The following FBXL17 variants were observed in gnomAD, a reference collection of about 807,000 sequenced individuals.
The protein encoded by FBXL17 is F-box/LRR-repeat protein 17.
Under a neutral mutation model 66.2 loss-of-function variants are expected in FBXL17, and 22 were observed. That is an observed-to-expected ratio of 0.33 (90% CI 0.24 to 0.47). The LOEUF (loss-of-function observed/expected upper bound fraction) is 0.47. FBXL17 is among the 20% of genes least tolerant of loss of function. FBXL17 has a pLI of 1.00. For synonymous variants in FBXL17, 474 were observed against 400.5 expected (o/e 1.18, Z -2.19); for missense variants, 878 against 948.2 (o/e 0.93, Z 0.97).
intron 4 of FBXL17, among the ~76,000 whole-genome samples, chr5:108,282,234 C>T (rs1055326774): frequency 6.6e-6 from 1 of 151,746 alleles, no homozygotes; most frequent in Admixed American, 6.6e-5. Flanking sequence ...AAACTACTGA[C>T]TAATATCTTT....
At chr5:108,102,167 T>C (rs778179720) in intron 6 of FBXL17, among the ~76,000 whole-genome samples, 3 of 152,164 alleles carry the variant, frequency 2.0e-5, no homozygotes, top group Non-Finnish European at 4.4e-5. Context: ...GAGAGATTCA[T>C]GGAGTCTGAA....
At chr5:108,323,158 C>A (rs1360488146) in intron 4 of FBXL17, among the ~76,000 whole-genome samples, 1 of 151,504 alleles carries the variant, frequency 6.6e-6, no homozygotes, top group South Asian at 2.1e-4. Context: ...AAGGAAGAGA[C>A]AAAATTATCT....
chr5:108,073,496 A>G (rs1051534473), intron 6 of FBXL17, among the ~76,000 whole-genome samples: 8 of 152,274 alleles, frequency 5.3e-5, no homozygotes, highest in East Asian at 1.9e-4. Context: ...AAAATATTAC[A>G]CATGAAGAAA....
intron 3 of FBXL17, among the ~76,000 whole-genome samples, chr5:108,354,747 A>G (rs1237806425): frequency 6.6e-6 from 1 of 151,792 alleles, no homozygotes; most frequent in East Asian, 1.9e-4. Flanking sequence ...AAGAAAAAAA[A>G]AAGTAAGAAA....
At chr5:107,949,912 T>A (rs943479311) in intron 7 of FBXL17, among the ~76,000 whole-genome samples, 1 of 152,156 alleles carries the variant, frequency 6.6e-6, no homozygotes, top group African/African-American at 2.4e-5. Context: ...TAGTTTACGT[T>A]CTACATGACT....
At chr5:108,084,038 T>C (rs1287155099) in intron 6 of FBXL17, among the ~76,000 whole-genome samples, 1 of 152,248 alleles carries the variant, frequency 6.6e-6, no homozygotes, top group Admixed American at 6.5e-5. Flanking sequence ...TCGTTTTTAC[T>C]TAGCAAAGAA....
intron 4 of FBXL17, among the ~76,000 whole-genome samples, chr5:108,339,674 T>C (rs17161251): frequency 0.017 from 2,546 of 152,074 alleles, 70 homozygotes; most frequent in African/African-American, 0.056. Flanking sequence ...AACCATAAAT[T>C]TTAAATCCAA....
chr5:108,290,658 C>T (rs905045668), intron 4 of FBXL17, among the ~76,000 whole-genome samples: 1 of 152,132 alleles, frequency 6.6e-6, no homozygotes, highest in Non-Finnish European at 1.5e-5. Context: ...AACAGAAATT[C>T]CTGTTTTCCC....
intron 6 of FBXL17, among the ~76,000 whole-genome samples, chr5:108,043,858 A>C (rs1747143436): frequency 6.6e-6 from 1 of 152,090 alleles, no homozygotes; most frequent in Non-Finnish European, 1.5e-5. Flanking sequence ...ACATCTTTCC[A>C]TTTATTTAGC....
At chr5:108,121,668 TGCCTCA>T (rs1750506525) in intron 6 of FBXL17, among the ~76,000 whole-genome samples, 1 of 152,006 alleles carries the variant, frequency 6.6e-6, no homozygotes, top group Non-Finnish European at 1.5e-5. Context: ...GCCATTCTCC[TGCCTCA>T]GCCTCCTGAG....
Position 107,871,069 on chromosome 5 carries a change from A to AAAAAAAAAAAC in FBXL17, c.1966-9220_1966-9210dup, listed in dbSNP as rs1554080846. On this transcript the variant is annotated intron_variant, in intron 8 of 8. Transcript: ENST00000542267. ...TACTCTTGGGCGGCAAAAAAAAAAA[A>AAAAAAAAAAAC]AAAAAAAAAACCTCATCTAAAAATC... 1.2e-3 allele frequency among the ~76,000 whole-genome samples: 162 copies of AAAAAAAAAAAC among 130,210 alleles called. 3 individuals are homozygous for AAAAAAAAAAAC. The highest frequency in any genetic ancestry group is 5.1e-3 in the African/African-American group (158 of 31,114). The allele number at this position is 130,210 out of a possible 152,430, so 85.4% of individuals were successfully genotyped here.
chr5:108,194,073 A>G (rs1400478815), intron 5 of FBXL17, among the ~76,000 whole-genome samples: 1 of 152,124 alleles, frequency 6.6e-6, no homozygotes, highest in Non-Finnish European at 1.5e-5. Flanking sequence ...CAAAGCCTTT[A>G]GGGAACAAAA....
At chr5:108,208,072 G>A (rs898496751) in intron 5 of FBXL17, among the ~76,000 whole-genome samples, 14 of 152,202 alleles carry the variant, frequency 9.2e-5, no homozygotes, top group African/African-American at 3.1e-4. Context: ...GACCAGTGAT[G>A]ATGAGCATTT....
chr5:108,305,189 G>A (rs1001487971), intron 4 of FBXL17, among the ~76,000 whole-genome samples: 4 of 152,024 alleles, frequency 2.6e-5, no homozygotes, highest in African/African-American at 9.7e-5. Context: ...TTAACATAGA[G>A]TTGGTTAGTA....
chr5:108,174,748 C>CAAAAAAAAAA lies in FBXL17; in HGVS notation c.1745+11359_1745+11368dup, dbSNP rs34237156. Among the ~76,000 whole-genome samples, 16 of 92,528 alleles carry CAAAAAAAAAA rather than the reference C, an allele frequency of 1.7e-4. 2 individuals are homozygous for CAAAAAAAAAA. The highest frequency in any genetic ancestry group is 4.9e-4 in the African/African-American group (11 of 22,424). The allele number at this position is 92,528 out of a possible 152,430, so 60.7% of individuals were successfully genotyped here. A position where few individuals can be genotyped will look rare whatever the true frequency, so the allele number is the denominator to read the frequency against. ...TAGCTATACTTTTTACACAAAGAAG[C>CAAAAAAAAAA]AAAAAAAAAAAAAAAAAAAAAGCTG... On this transcript the variant is annotated intron_variant, in intron 6 of 8. Coordinates refer to ENST00000542267, the MANE Select transcript of FBXL17 (RefSeq NM_001163315.3).
chr5:108,311,924 T>C (rs1261236525), intron 4 of FBXL17, among the ~76,000 whole-genome samples: 1 of 152,152 alleles, frequency 6.6e-6, no homozygotes, highest in Admixed American at 6.6e-5. Flanking sequence ...TTAGTCCCTT[T>C]AGCTTTCAAA....
In FBXL17 at chr5:107,945,019, C is replaced by T. The variant is rs141017037; in HGVS notation, c.1823-63840G>A. On this transcript the variant is annotated intron_variant, in intron 7 of 8. Coordinates refer to ENST00000542267, the MANE Select transcript of FBXL17 (RefSeq NM_001163315.3). ...GAATTCATACCAGTAAAAAATATAA[C>T]TGACAAAAGATTAGCATCCAGACTG... Among the ~76,000 whole-genome samples, 550 of 151,902 alleles carry T rather than the reference C, an allele frequency of 3.6e-3. 4 individuals carry two copies. Among genetic ancestry groups the T allele is most frequent in the African/African-American group, 0.012 (506 of 41,406 alleles).
At chr5:107,876,428 A>G (rs1748613707) in intron 8 of FBXL17, among the ~76,000 whole-genome samples, 1 of 152,226 alleles carries the variant, frequency 6.6e-6, no homozygotes, top group African/African-American at 2.4e-5. Flanking sequence ...TGCTTTTCAC[A>G]AGGGTTTGGC....
chr5:108,178,337 T>G (rs1461122505), intron 6 of FBXL17, among the ~76,000 whole-genome samples: 1 of 152,142 alleles, frequency 6.6e-6, no homozygotes, highest in Non-Finnish European at 1.5e-5. Flanking sequence ...TGAGCCACCA[T>G]GCCTGGCCTC....
Sources: allele counts gnomAD v4.1 joint callset (sites outside exome capture counted in the v4.1 genomes callset), GRCh38; gene constraint gnomAD v4.1.1; transcripts MANE v1.5; gene names NCBI Gene and HGNC (gene_info 2026-07-23, HGNC 2026-07-21).